Variants in MGST1 observed in about 807,000 individuals in gnomAD.
MGST1 encodes the protein microsomal glutathione S-transferase 1.
MGST1 carries 5 observed loss-of-function variants against 8.9 expected under a neutral mutation model. The ratio of observed to expected loss-of-function variants is 0.56; its 90% CI spans 0.29 to 1.19. The LOEUF (loss-of-function observed/expected upper bound fraction) is 1.19, where lower values mean the gene tolerates loss of function less well. MGST1 is among the 50% of genes most tolerant of loss of function. MGST1 has a pLI of 0.08. For missense variants in MGST1, 182 were observed against 187.4 expected, an observed-to-expected ratio of 0.97 and a Z score of 0.17; for synonymous variants, 54 against 67.8, an observed-to-expected ratio of 0.80 and a Z score of 1.00.
Position 16,586,388 on chromosome 12 carries a change from G to A in MGST1, n.483-3140G>A, listed in dbSNP as rs914413987. On this transcript the variant is annotated intron_variant and non_coding_transcript_variant, in intron 4 of 4. Coordinates refer to the MGST1 transcript ENST00000538857. The surrounding 1 kb of genome is among the most constrained non-coding windows in gnomAD (Gnocchi z 4.3). ...ACTGCATGGCTGTGGCAAGGAGAGC[G>A]GAGGATCCTAATCTTCCCCAGCAAG... 6.6e-6 allele frequency among the ~76,000 whole-genome samples: 1 copy of A among 152,100 alleles called. No individual in the cohort carries two copies. Among genetic ancestry groups the A allele is most frequent in the African/African-American group, 2.4e-5 (1 of 41,432 alleles).
downstream of MGST1, among the ~76,000 whole-genome samples, chr12:16,440,280 A>G (rs1941028337): frequency 6.6e-6 from 1 of 151,184 alleles, no homozygotes; most frequent in Non-Finnish European, 1.5e-5. Context: ...CATACACAGT[A>G]AAGCGTATAA....
chr12:16,376,210 C>A, exon 4 of MGST1: 1 of 785,318 alleles, frequency 1.3e-6, no homozygotes. Flanking sequence ...GAAATGTTTC[C>A]TTGTAGAAGC....
chr12:16,401,613 G>A lies in MGST1; in HGVS notation n.778+18009G>A. 6.5e-7 allele frequency: 1 copy of A among 1,542,202 alleles called. No homozygotes were observed. Among genetic ancestry groups the A allele is most frequent in the South Asian group, 1.1e-5 (1 of 89,540 alleles). ...GCGAATACCCATGGCACAAGTGATA[G>A]CCCCAAAATACATGTGATTCTTGTC... On this transcript the variant is annotated intron_variant and non_coding_transcript_variant, in intron 1 of 1. Coordinates refer to the MGST1 transcript ENST00000359720. This position sits in a 1 kb window ranked among gnomAD's most constrained non-coding sequence, Gnocchi z 4.3.
chr12:16,447,144 C>T (rs555759969), intron 4 of MGST1, among the ~76,000 whole-genome samples: 5 of 152,032 alleles, frequency 3.3e-5, no homozygotes, highest in African/African-American at 1.2e-4. Flanking sequence ...CCCTGCAGTC[C>T]TTGTCAAGTG....
At chr12:16,593,224 A>G (rs1440991171), downstream of MGST1, among the ~76,000 whole-genome samples, 3 of 151,888 alleles carry the variant, frequency 2.0e-5, no homozygotes, top group Non-Finnish European at 1.5e-5. The surrounding 1 kb of genome is among the most constrained non-coding windows in gnomAD (Gnocchi z 4.2). Flanking sequence ...TTACTTAAAT[A>G]TTGCTTTGGT....
chr12:16,567,601 T>A (rs1419104332), intron 4 of MGST1: 3 of 152,218 alleles, frequency 2.0e-5, no homozygotes, highest in Non-Finnish European at 4.4e-5. Flanking sequence ...GAAGCCTCTA[T>A]GTGGTCAAGA....
chr12:16,477,932 C>T (rs944728993), intron 4 of MGST1, among the ~76,000 whole-genome samples: 4 of 152,148 alleles, frequency 2.6e-5, no homozygotes, highest in African/African-American at 9.7e-5. Flanking sequence ...CACAGTGCAG[C>T]GTTGTAAATG....
chr12:16,388,620 G>T (rs567118629), intron 1 of MGST1, among the ~76,000 whole-genome samples: 6 of 152,130 alleles, frequency 3.9e-5, no homozygotes, highest in Non-Finnish European at 8.8e-5. Flanking sequence ...CTATATGCTT[G>T]GTTGTCACAG....
chr12:16,444,509 G>A (rs1332231871), intron 4 of MGST1, among the ~76,000 whole-genome samples: 1 of 151,856 alleles, frequency 6.6e-6, no homozygotes, highest in Non-Finnish European at 1.5e-5. Flanking sequence ...TGTCTCAACA[G>A]TATCTTTCAA....
intron 1 of MGST1, among the ~76,000 whole-genome samples, chr12:16,424,199 C>T (rs1180696753): frequency 1.3e-5 from 2 of 152,214 alleles, no homozygotes; most frequent in Non-Finnish European, 2.9e-5. Flanking sequence ...GTGTTTTTAG[C>T]ACCTTCTTTG....
intron 1 of MGST1, among the ~76,000 whole-genome samples, chr12:16,422,099 T>C (rs1221904070): frequency 6.6e-6 from 1 of 152,182 alleles, no homozygotes; most frequent in Non-Finnish European, 1.5e-5. Flanking sequence ...CACCCATTTG[T>C]CAGAACTGGG....
chr12:16,529,222 C>G (rs945412043), intron 4 of MGST1, among the ~76,000 whole-genome samples: 3 of 151,890 alleles, frequency 2.0e-5, no homozygotes, highest in African/African-American at 4.8e-5. Context: ...TTCTTCTTTC[C>G]CAGGATACCC....
At chr12:16,567,801 T>C (rs1942669098) in intron 4 of MGST1, among the ~76,000 whole-genome samples, 1 of 152,000 alleles carries the variant, frequency 6.6e-6, no homozygotes, top group Non-Finnish European at 1.5e-5. Context: ...TCTCCTACAC[T>C]CAGGCAAAAC....
intron 1 of MGST1, among the ~76,000 whole-genome samples, chr12:16,435,227 G>A (rs143453265): frequency 2.5e-3 from 381 of 151,542 alleles, no homozygotes; most frequent in African/African-American, 8.6e-3. Flanking sequence ...TCAATTAAAT[G>A]TACAAACAAA....
In MGST1 at chr12:16,458,427, G is replaced by T. The variant is rs150201891; in HGVS notation, n.482+74823G>T. On this transcript the variant is annotated intron_variant and non_coding_transcript_variant, in intron 4 of 4. Coordinates refer to the MGST1 transcript ENST00000538857. This position sits in a 1 kb window ranked among gnomAD's most constrained non-coding sequence, Gnocchi z 4.0. ...GACCCAGAGTTCTCCAAACTAAATT[G>T]TACTCTGAAGCCCTTGCTGGATTCC... Among the ~76,000 whole-genome samples the T allele has an allele frequency of 3.0e-3, 455 of 152,086 alleles. 12 individuals are homozygous for T. The highest frequency in any genetic ancestry group is 0.028 in the Admixed American group (422 of 15,224).
At chr12:16,532,598 A>C (rs545124171) in intron 4 of MGST1, among the ~76,000 whole-genome samples, 8 of 152,304 alleles carry the variant, frequency 5.3e-5, no homozygotes, top group Admixed American at 3.3e-4. Context: ...TTTTATCATT[A>C]GGGACAATAG....
chr12:16,396,085 T>C (rs186313592), intron 1 of MGST1, among the ~76,000 whole-genome samples: 101 of 152,234 alleles, frequency 6.6e-4, no homozygotes, highest in African/African-American at 2.4e-3. Flanking sequence ...GTAGAAATGT[T>C]CCCTTTTCAC....
intron 1 of MGST1, chr12:16,353,373 G>A (rs1476720295): frequency 6.6e-6 from 1 of 152,210 alleles, no homozygotes; most frequent in African/African-American, 2.4e-5. Flanking sequence ...TAGTCTCAGA[G>A]ACTGAATCCC....
chr12:16,350,468 C>G (rs1363915002), intron 1 of MGST1, among the ~76,000 whole-genome samples: 1 of 152,194 alleles, frequency 6.6e-6, no homozygotes, highest in African/African-American at 2.4e-5. Flanking sequence ...CTTGAATCCT[C>G]AAACCACTTA....
Sources: allele counts gnomAD v4.1 joint callset (sites outside exome capture counted in the v4.1 genomes callset), GRCh38; gene constraint gnomAD v4.1.1; non-coding constraint Gnocchi (gnomAD v3.1); transcripts MANE v1.5; gene names NCBI Gene and HGNC (gene_info 2026-07-23, HGNC 2026-07-21).